Variants in ACSS3 observed in about 807,000 individuals in gnomAD.
ACSS3 encodes the protein acyl-CoA synthetase short chain family member 3, also known as acyl-CoA synthetase short-chain family member 3, mitochondrial.
A neutral mutation model predicts 84.2 loss-of-function variants in ACSS3; 64 were observed. That is an observed-to-expected ratio of 0.76 (90% CI 0.62 to 0.94). ACSS3 has a LOEUF of 0.94. Among genes scored for constraint, ACSS3 ranks in the 40% least tolerant of loss-of-function variants. The pLI is 0.00. For missense variants in ACSS3, 815 were observed against 867.6 expected (o/e 0.94, Z 0.76); for synonymous variants, 317 against 310.1 (o/e 1.02, Z -0.23).
Position 81,260,007 on chromosome 12 carries a change from T to C in ACSS3, c.*5085T>C. On this transcript the variant is annotated 3_prime_UTR_variant, in exon 16 of 16. Coordinates refer to ENST00000548058, the MANE Select transcript of ACSS3 (RefSeq NM_024560.4). ...GAATTGACCTATTTCATAATGTAGA[T>C]TTATATTCTAGTTCATATATTTTAG... The C allele has an allele frequency of 5.4e-6, 1 of 186,194 alleles. No homozygotes were observed. Among genetic ancestry groups the C allele is most frequent in the Non-Finnish European group, 1.1e-5 (1 of 90,616 alleles). 11.5% of individuals were successfully genotyped at this position (186,194 alleles called of 1,614,324 possible).
At chr12:81,171,909 T>C (rs12816013) in intron 7 of ACSS3, among the ~76,000 whole-genome samples, 69,985 of 151,936 alleles carry the variant, frequency 0.46, 16,647 homozygotes, top group Middle Eastern at 0.52. Context: ...CAACATGTTA[T>C]TGTGTTGAAT....
intron 2 of ACSS3, chr12:81,118,173 C>T (rs373850605): frequency 3.9e-5 from 6 of 152,062 alleles, no homozygotes; most frequent in African/African-American, 1.2e-4. Context: ...CACTATCCCC[C>T]CCTCCACTCA....
At chr12:81,181,842 T>C (rs2030958821) in intron 8 of ACSS3, among the ~76,000 whole-genome samples, 2 of 151,104 alleles carry the variant, frequency 1.3e-5, no homozygotes, top group South Asian at 4.2e-4. Context: ...ATCAGTCTTT[T>C]GAAATGACTC....
At chr12:81,208,479 C>G (rs1244415125) in intron 9 of ACSS3, among the ~76,000 whole-genome samples, 1 of 152,034 alleles carries the variant, frequency 6.6e-6, no homozygotes, top group African/African-American at 2.4e-5. Flanking sequence ...GCCCCGTATC[C>G]AGACAATCAC....
intron 2 of ACSS3, among the ~76,000 whole-genome samples, chr12:81,132,275 G>T (rs1029143134): frequency 1.3e-5 from 2 of 152,004 alleles, no homozygotes; most frequent in African/African-American, 4.8e-5. Flanking sequence ...TTTTTGGTTG[G>T]TAGGCTATTA....
intron 7 of ACSS3, among the ~76,000 whole-genome samples, chr12:81,155,993 G>A (rs1258905979): frequency 6.6e-6 from 1 of 152,106 alleles, no homozygotes; most frequent in Non-Finnish European, 1.5e-5. Context: ...CAAGATAAAC[G>A]AAAACCTGGG....
At chr12:81,107,441 T>G (rs1455349349) in intron 1 of ACSS3, among the ~76,000 whole-genome samples, 1 of 141,582 alleles carries the variant, frequency 7.1e-6, no homozygotes, top group Non-Finnish European at 1.5e-5. Context: ...AATGATATTA[T>G]CAAGAAATAT....
chr12:81,201,227 T>A (rs1472504802), intron 9 of ACSS3, among the ~76,000 whole-genome samples: 2 of 152,212 alleles, frequency 1.3e-5, no homozygotes, highest in Non-Finnish European at 2.9e-5. Flanking sequence ...CCAGGAAAGC[T>A]TTAACAGTTA....
chr12:81,216,448 G>A (rs561475338), intron 9 of ACSS3, among the ~76,000 whole-genome samples: 4 of 152,024 alleles, frequency 2.6e-5, no homozygotes, highest in East Asian at 1.9e-4. Context: ...TACTTATTCC[G>A]GAGAATGAGC....
intron 13 of ACSS3, among the ~76,000 whole-genome samples, chr12:81,251,070 T>C (rs1000534899): frequency 2.6e-5 from 4 of 152,164 alleles, no homozygotes; most frequent in Non-Finnish European, 5.9e-5. Context: ...TTTTCCACGA[T>C]GAAACTAAAA....
intron 1 of ACSS3, among the ~76,000 whole-genome samples, chr12:81,106,591 G>C (rs1041652410): frequency 3.3e-5 from 5 of 152,088 alleles, no homozygotes; most frequent in Non-Finnish European, 7.4e-5. Context: ...ATGCCAAAAA[G>C]GTTGGGGACT....
intron 8 of ACSS3, among the ~76,000 whole-genome samples, chr12:81,186,852 T>G (rs2031289903): frequency 6.6e-6 from 1 of 151,778 alleles, no homozygotes; most frequent in African/African-American, 2.4e-5. Flanking sequence ...CAATCCGTCT[T>G]CTGGGTATAT....
At chr12:81,096,860 C>T (rs373101104) in intron 1 of ACSS3, among the ~76,000 whole-genome samples, 3 of 152,100 alleles carry the variant, frequency 2.0e-5, no homozygotes, top group African/African-American at 7.2e-5. Flanking sequence ...TTTCTTTATC[C>T]AGTCTATCAC....
At position 81,199,386 on chromosome 12, in the gene ACSS3, C is replaced by G. The variant is rs2031995262; in HGVS notation, c.1296C>G (p.Thr432=). 1 of 1,613,344 alleles carries G rather than the reference C, an allele frequency of 6.2e-7. No homozygotes were observed. Among genetic ancestry groups the G allele is most frequent in the African/African-American group, 1.3e-5 (1 of 74,806 alleles). ...CTGGAGAACGATGTGATGTAGAGAC[C>G]CTGGAATGGTCCAAAAATGTCTTCA... ...FVAGERCDVE[T]LEWSKNVFRV... Residue 432 remains threonine, a synonymous_variant, in exon 9 of 16, where the codon ACC becomes ACG. Coordinates refer to ENST00000548058, the MANE Select transcript of ACSS3 (RefSeq NM_024560.4).
At chr12:81,091,423 A>G (rs913136787) in intron 1 of ACSS3, among the ~76,000 whole-genome samples, 1 of 152,014 alleles carries the variant, frequency 6.6e-6, no homozygotes, top group Non-Finnish European at 1.5e-5. Flanking sequence ...TAGAAAAAAT[A>G]TAAAACTGAT....
chr12:81,253,654 A>G lies in ACSS3; in HGVS notation c.1979A>G (p.Asn660Ser). ...IPRSALSAIVNGKPYKITSTI... is the reference protein window; with the variant it reads ...IPRSALSAIVSGKPYKITSTI... ...CGATCAGCTTTATCTGCCATTGTCAATGGCAAGCCATACAAGGTAAATTAT... is the reference window on the plus strand; with the variant it reads ...CGATCAGCTTTATCTGCCATTGTCAGTGGCAAGCCATACAAGGTAAATTAT... The change falls in exon 15 of 16, where the codon AAT becomes AGT. Residue 660 changes from asparagine to serine, a missense_variant. Asn to Ser is a conservative substitution (Grantham distance 46). Coordinates refer to ENST00000548058, the MANE Select transcript of ACSS3 (RefSeq NM_024560.4). The G allele has an allele frequency of 6.2e-7, 1 of 1,613,474 alleles. No individual in the cohort carries two copies. Among genetic ancestry groups the G allele is most frequent in the Non-Finnish European group, 8.5e-7 (1 of 1,179,534 alleles).
At chr12:81,245,978 C>T (rs2033972927) in intron 13 of ACSS3, among the ~76,000 whole-genome samples, 1 of 152,078 alleles carries the variant, frequency 6.6e-6, no homozygotes, top group African/African-American at 2.4e-5. Context: ...AGGATTATTC[C>T]TGCAACGTCT....
At chr12:81,237,907 G>A (rs771072257) in intron 13 of ACSS3, among the ~76,000 whole-genome samples, 10 of 151,544 alleles carry the variant, frequency 6.6e-5, no homozygotes, top group Non-Finnish European at 1.2e-4. Context: ...AAATATAGTT[G>A]AGGGTGGACA....
intron 13 of ACSS3, among the ~76,000 whole-genome samples, chr12:81,244,479 A>G (rs1039680875): frequency 6.6e-6 from 1 of 151,366 alleles, no homozygotes; most frequent in Non-Finnish European, 1.5e-5. Flanking sequence ...TTTTCCTCTC[A>G]TTACCGCTAT....
Sources: allele counts gnomAD v4.1 joint callset (sites outside exome capture counted in the v4.1 genomes callset), GRCh38; gene constraint gnomAD v4.1.1; transcripts MANE v1.5; gene names NCBI Gene and HGNC (gene_info 2026-07-23, HGNC 2026-07-21).